Variants in NR2C2 observed in about 807,000 individuals in gnomAD.
NR2C2 encodes the protein nuclear receptor subfamily 2 group C member 2.
NR2C2 carries 6 observed loss-of-function variants against 62.9 expected under a neutral mutation model. The ratio of observed to expected loss-of-function variants is 0.10; its 90% confidence interval spans 0.05 to 0.19. NR2C2 has a LOEUF of 0.19. Ranked by LOEUF, NR2C2 falls within the 10% of genes least tolerant of loss-of-function variation. NR2C2 has a pLI of 1.00. For synonymous variants in NR2C2, 272 were observed against 273.8 expected (o/e 0.99, Z 0.07); for missense variants, 479 against 762.7 (o/e 0.63, Z 4.38).
intron 1 of NR2C2, among the ~76,000 whole-genome samples, chr3:14,997,073 C>CT (rs1428569967): frequency 6.6e-6 from 1 of 152,222 alleles, no homozygotes; most frequent in Non-Finnish European, 1.5e-5. Context: ...AATGACGGTT[C>CT]TGTCAGTGCT....
intron 1 of NR2C2, among the ~76,000 whole-genome samples, chr3:14,976,357 A>C (rs1052299164): frequency 1.6e-4 from 25 of 152,142 alleles, no homozygotes; most frequent in African/African-American, 5.8e-4. Flanking sequence ...TATAATTATG[A>C]TACTATTACA....
At chr3:14,960,031 T>C (rs1214989209) in intron 1 of NR2C2, among the ~76,000 whole-genome samples, 1 of 152,186 alleles carries the variant, frequency 6.6e-6, no homozygotes, top group Admixed American at 6.5e-5. Context: ...TCCTTACTTC[T>C]CATCAGATTC....
intron 1 of NR2C2, among the ~76,000 whole-genome samples, chr3:14,958,702 G>A (rs1031955656): frequency 1.1e-4 from 17 of 152,336 alleles, no homozygotes; most frequent in African/African-American, 4.1e-4. Context: ...GATTGGTTGG[G>A]TGCTGCGGCT....
intron 1 of NR2C2, among the ~76,000 whole-genome samples, chr3:14,999,426 G>A (rs2040923444): frequency 6.6e-6 from 1 of 152,122 alleles, no homozygotes; most frequent in South Asian, 2.1e-4. Context: ...AGGAGGATGA[G>A]GCTGCAGTGA....
chr3:15,049,029 A>C lies in NR2C2; in HGVS notation c.*6021A>C, dbSNP rs1040245002. On this transcript the variant is annotated 3_prime_UTR_variant, in exon 14 of 14. Coordinates refer to ENST00000425241, the MANE Select transcript of NR2C2 (RefSeq NM_001291694.2). ...TTATACAGCTTTCTTCTCCCTGTGA[A>C]ATCACTTTGTTTATGTGATGGCATT... is the stretch of plus-strand genomic sequence containing the variant. 3.3e-5 allele frequency: 5 copies of C among 152,668 alleles called. No individual in the cohort carries two copies. Among genetic ancestry groups the C allele is most frequent in the Non-Finnish European group, 7.3e-5 (5 of 68,040 alleles). The allele number at this position is 152,668 out of a possible 1,614,324, so 9.5% of individuals were successfully genotyped here. A position where few individuals can be genotyped will look rare whatever the true frequency, so the allele number is the denominator to read the frequency against.
chr3:14,947,944 G>C, intron 1 of NR2C2, 38 bp downstream of exon 1: 1 of 151,390 alleles, frequency 6.6e-6, no homozygotes, highest in South Asian at 2.0e-4. Flanking sequence ...TCGGGCCGGC[G>C]GCGGAGGGGG....
intron 1 of NR2C2, among the ~76,000 whole-genome samples, chr3:14,983,911 G>A (rs145852527): frequency 1.3e-5 from 2 of 151,972 alleles, no homozygotes; most frequent in Non-Finnish European, 2.9e-5. Context: ...TTTTTGAGAT[G>A]GAGTTTCACT....
At chr3:14,968,708 C>T (rs2039939895) in intron 1 of NR2C2, among the ~76,000 whole-genome samples, 1 of 143,580 alleles carries the variant, frequency 7.0e-6, no homozygotes, top group Non-Finnish European at 1.5e-5. Context: ...CGGCATTATT[C>T]ACAATAGCAA....
At chr3:14,954,583 A>T (rs1363062236) in intron 1 of NR2C2, among the ~76,000 whole-genome samples, 1 of 152,240 alleles carries the variant, frequency 6.6e-6, no homozygotes, top group East Asian at 1.9e-4. Flanking sequence ...TTATTACAAA[A>T]ATAATGTTGG....
chr3:14,965,640 G>GT (rs35204246), intron 1 of NR2C2, among the ~76,000 whole-genome samples: 44,621 of 149,436 alleles, frequency 0.3, 6,902 homozygotes, highest in African/African-American at 0.37. Context: ...TTTCCTTGCT[G>GT]TTTTTTTTGT....
At position 15,024,189 on chromosome 3, in the gene NR2C2, T is replaced by C. The variant is rs1030263426; in HGVS notation, c.779T>C (p.Leu260Pro). The change falls in exon 7 of 14, where the codon CTC becomes CCC. Residue 260 changes from leucine to proline, a missense_variant. Leu to Pro is a moderately conservative substitution (Grantham distance 98). Transcript: ENST00000425241. Reference sequence around the variant, plus strand: ...TTGATACGTGAGGATGGTACAGTTCTCCTGGCCACGGATTCTAAGGTGACG... The same window carrying C: ...TTGATACGTGAGGATGGTACAGTTCCCCTGGCCACGGATTCTAAGGTGACG... The part of the protein sequence containing the change: ...QPLIREDGTV[L>P]LATDSKAETS... 1.9e-6 allele frequency: 3 copies of C among 1,609,554 alleles called. No homozygotes were observed. The highest frequency in any genetic ancestry group is 2.5e-6 in the Non-Finnish European group (3 of 1,178,184).
chr3:14,967,248 C>A (rs1231794156), intron 1 of NR2C2, among the ~76,000 whole-genome samples: 1 of 151,744 alleles, frequency 6.6e-6, no homozygotes, highest in Non-Finnish European at 1.5e-5. Context: ...CTGCCCTCTT[C>A]TTCTTGGTCA....
chr3:15,047,127 T>G lies in NR2C2; in HGVS notation c.*4119T>G, dbSNP rs1251442273. Reference sequence around the variant, plus strand: ...TGTATGTGTACATAGATGTATATTATGTATACAGACATGTATCCAAACTTT... The same window carrying G: ...TGTATGTGTACATAGATGTATATTAGGTATACAGACATGTATCCAAACTTT... On this transcript the variant is annotated 3_prime_UTR_variant, in exon 14 of 14. Coordinates refer to ENST00000425241, the MANE Select transcript of NR2C2 (RefSeq NM_001291694.2). The G allele has an allele frequency of 6.5e-6, 1 of 152,696 alleles. No homozygotes were observed. The highest frequency in any genetic ancestry group is 1.5e-5 in the Non-Finnish European group (1 of 68,046). 9.5% of individuals were successfully genotyped at this position (152,696 alleles called of 1,614,324 possible). A position where few individuals can be genotyped will look rare whatever the true frequency, so the allele number is the denominator to read the frequency against.
chr3:15,020,391 A>G (rs559353440), intron 4 of NR2C2, among the ~76,000 whole-genome samples: 14 of 152,358 alleles, frequency 9.2e-5, no homozygotes, highest in East Asian at 7.7e-4. Context: ...ATCTCCAGGA[A>G]TAGGACCCAG....
At chr3:15,020,704 T>C (rs1297968578) in intron 4 of NR2C2, 49 bp from the exon 5 acceptor site, 3 of 1,596,026 alleles carry the variant, frequency 1.9e-6, no homozygotes, top group Non-Finnish European at 2.6e-6. Flanking sequence ...CTTTGGTGAA[T>C]CCACAAATAT....
intron 1 of NR2C2, among the ~76,000 whole-genome samples, chr3:14,954,525 G>A (rs1227310904): frequency 6.6e-5 from 10 of 152,134 alleles, no homozygotes; most frequent in Non-Finnish European, 1.5e-5. Context: ...GGGCATAGTC[G>A]TACATTAGAA....
At chr3:15,023,393 G>A (rs1372992766) in intron 6 of NR2C2, 46 bp downstream of exon 6, 1 of 1,606,554 alleles carries the variant, frequency 6.2e-7, no homozygotes, top group Non-Finnish European at 8.5e-7. Context: ...AGCTGATGGA[G>A]GAGGCACAGA....
intron 1 of NR2C2, among the ~76,000 whole-genome samples, chr3:14,996,297 G>A (rs892411995): frequency 6.6e-6 from 1 of 152,202 alleles, no homozygotes; most frequent in African/African-American, 2.4e-5. Flanking sequence ...TATGAGTTTG[G>A]ATTTAATATT....
chr3:15,039,400 C>CTAGA (rs766474831), intron 13 of NR2C2, among the ~76,000 whole-genome samples, 173 bp downstream of exon 13: 1 of 152,176 alleles, frequency 6.6e-6, no homozygotes, highest in Non-Finnish European at 1.5e-5. Context: ...CTCCCAAGAG[C>CTAGA]TAGAGATAAT....
Sources: gnomAD v4.1 joint callset for allele counts (sites outside exome capture counted in the v4.1 genomes callset) on GRCh38, gnomAD v4.1.1 for gene constraint, MANE v1.5 for transcripts, NCBI Gene and HGNC (gene_info 2026-07-23, HGNC 2026-07-21) for gene names.